LPP: variants seen among roughly 807,000 people sequenced by gnomAD.
The protein encoded by LPP is LIM domain containing preferred translocation partner in lipoma.
In LPP, 38 loss-of-function variants were observed where a neutral mutation model predicts 60.4. The observed-to-expected ratio is 0.63, with a 90% confidence interval of 0.49 to 0.83. The LOEUF is 0.83. Among genes scored for constraint, LPP ranks in the 40% least tolerant of loss-of-function variants. LPP has a pLI of 0.00. For missense variants in LPP, 902 were observed against 783.6 expected, an observed-to-expected ratio of 1.15 and a Z score of -1.80; for synonymous variants, 328 against 290.8, an observed-to-expected ratio of 1.13 and a Z score of -1.30.
rs557080678 is a variant in LPP at position 188,859,355 on chromosome 3, C to G, written c.1411-6845C>G. ...CCAACTAGAATAGATTCTTAAGAGT[C>G]ATAGACCACCACCATACTGCCTGCT... is the stretch of plus-strand genomic sequence containing the variant. On this transcript the variant is annotated intron_variant, in intron 9 of 11. Coordinates refer to ENST00000617246, the MANE Select transcript of LPP (RefSeq NM_001375462.1). 1.3e-4 allele frequency among the ~76,000 whole-genome samples: 20 copies of G among 152,186 alleles called. 1 individual carries two copies. The South Asian group carries it at 4.1e-3, about 32-fold the overall frequency.
At chr3:188,210,037 A>G (rs1734277879) in intron 1 of LPP, among the ~76,000 whole-genome samples, 1 of 152,126 alleles carries the variant, frequency 6.6e-6, no homozygotes, top group Admixed American at 6.5e-5. Flanking sequence ...TGGTTTCTGC[A>G]TCCATGGATT....
intron 7 of LPP, among the ~76,000 whole-genome samples, chr3:188,646,239 T>G (rs1265296436): frequency 1.3e-5 from 2 of 152,168 alleles, no homozygotes; most frequent in Non-Finnish European, 2.9e-5. Context: ...CCTTCAGGAT[T>G]TATTCCTTAG....
chr3:188,753,889 T>G (rs1729119281), intron 8 of LPP, among the ~76,000 whole-genome samples: 1 of 152,130 alleles, frequency 6.6e-6, no homozygotes, highest in Admixed American at 6.6e-5. Context: ...CAAGCCTCTC[T>G]ATAGAATCAG....
At chr3:188,775,976 T>G (rs565529496) in intron 9 of LPP, among the ~76,000 whole-genome samples, 2 of 152,240 alleles carry the variant, frequency 1.3e-5, no homozygotes, top group African/African-American at 2.4e-5. Context: ...TATTTTTAAC[T>G]GAAAAGTGAA....
chr3:188,353,389 G>C (rs1234189048), intron 3 of LPP, among the ~76,000 whole-genome samples: 1 of 152,042 alleles, frequency 6.6e-6, no homozygotes, highest in Non-Finnish European at 1.5e-5. Context: ...TTATTTTGTG[G>C]AAAAATGTTC....
At chr3:188,602,722 A>G (rs1299323058) in intron 6 of LPP, among the ~76,000 whole-genome samples, 1 of 91,918 alleles carries the variant, frequency 1.1e-5, no homozygotes, top group Non-Finnish European at 2.1e-5. Context: ...GAGAAAGATT[A>G]TTTATTAAAA....
intron 7 of LPP, among the ~76,000 whole-genome samples, chr3:188,657,667 C>T (rs1050023962): frequency 6.6e-6 from 1 of 151,962 alleles, no homozygotes; most frequent in African/African-American, 2.4e-5. Flanking sequence ...TCATGATATC[C>T]ATAGTTTGTC....
At chr3:188,344,901 C>T (rs1763928788) in intron 3 of LPP, among the ~76,000 whole-genome samples, 1 of 152,136 alleles carries the variant, frequency 6.6e-6, no homozygotes. Flanking sequence ...TGGTAAACTT[C>T]CCCCCTATTA....
chr3:188,245,250 T>C (rs1020765344), intron 2 of LPP, among the ~76,000 whole-genome samples: 5 of 151,962 alleles, frequency 3.3e-5, no homozygotes, highest in Non-Finnish European at 7.4e-5. Flanking sequence ...GTAGCTGGGA[T>C]TACAGGCACC....
At chr3:188,253,903 G>A (rs1211408087) in intron 2 of LPP, among the ~76,000 whole-genome samples, 2 of 152,128 alleles carry the variant, frequency 1.3e-5, no homozygotes, top group Non-Finnish European at 2.9e-5. Flanking sequence ...CTCGCCGCAT[G>A]GTAATTACTC....
At chr3:188,723,222 C>A (rs1327174152) in intron 8 of LPP, among the ~76,000 whole-genome samples, 1 of 152,138 alleles carries the variant, frequency 6.6e-6, no homozygotes, top group Non-Finnish European at 1.5e-5. Context: ...TAAAGGAAAC[C>A]AACCACCACA....
intron 7 of LPP, among the ~76,000 whole-genome samples, chr3:188,646,539 C>T (rs1019420592): frequency 2.6e-5 from 4 of 152,116 alleles, no homozygotes; most frequent in Non-Finnish European, 2.9e-5. Context: ...AACTGAGGCC[C>T]GTAGGAGTCA....
intron 9 of LPP, among the ~76,000 whole-genome samples, chr3:188,812,821 G>A (rs1751419348): frequency 6.6e-6 from 1 of 151,716 alleles, no homozygotes; most frequent in Admixed American, 6.6e-5. Flanking sequence ...ATGTGTGTGT[G>A]TGTATTATAT....
At chr3:188,305,834 G>A (rs528426753) in intron 2 of LPP, among the ~76,000 whole-genome samples, 3 of 152,254 alleles carry the variant, frequency 2.0e-5, no homozygotes, top group South Asian at 4.1e-4. Flanking sequence ...ATATACTATT[G>A]TAAATTAACG....
At chr3:188,681,611 G>T (rs1250170950) in intron 7 of LPP, among the ~76,000 whole-genome samples, 1 of 152,106 alleles carries the variant, frequency 6.6e-6, no homozygotes, top group African/African-American at 2.4e-5. Flanking sequence ...ACACCATGAT[G>T]CACTTCTCAA....
intron 2 of LPP, among the ~76,000 whole-genome samples, chr3:188,334,341 A>G (rs1760990442): frequency 6.7e-6 from 1 of 148,716 alleles, no homozygotes; most frequent in African/African-American, 2.5e-5. Context: ...GGGAATGCAG[A>G]TATCTTATTG....
intron 6 of LPP, among the ~76,000 whole-genome samples, chr3:188,528,079 AG>A (rs1438193135): frequency 6.6e-6 from 1 of 152,248 alleles, no homozygotes; most frequent in African/African-American, 2.4e-5. Flanking sequence ...AGAAAAGTTC[AG>A]ACATATTCCT....
intron 2 of LPP, among the ~76,000 whole-genome samples, chr3:188,332,019 A>C (rs1035724000): frequency 2.0e-5 from 3 of 151,944 alleles, no homozygotes; most frequent in Non-Finnish European, 4.4e-5. Context: ...TTTCTTTTTC[A>C]CACATGTGCA....
At chr3:188,744,617 C>A (rs981355683) in intron 8 of LPP, among the ~76,000 whole-genome samples, 1 of 152,088 alleles carries the variant, frequency 6.6e-6, no homozygotes, top group Non-Finnish European at 1.5e-5. Flanking sequence ...TGATAGGTGG[C>A]ATAGGAAAAG....
Sources: allele counts gnomAD v4.1 joint callset (sites outside exome capture counted in the v4.1 genomes callset), GRCh38; gene constraint gnomAD v4.1.1; transcripts MANE v1.5; gene names NCBI Gene and HGNC (gene_info 2026-07-23, HGNC 2026-07-21).